The following INSYN2A variants were observed in gnomAD, a reference collection of about 807,000 sequenced individuals.
The protein encoded by INSYN2A is inhibitory synaptic factor 2A, also known as family with sequence similarity 196 member A.
Under a neutral mutation model 39.4 loss-of-function variants are expected in INSYN2A, and 17 were observed. That is an observed-to-expected ratio of 0.43 (90% CI 0.30 to 0.65). INSYN2A has a LOEUF of 0.65. Among genes scored for constraint, INSYN2A ranks in the 30% least tolerant of loss-of-function variants. The pLI is 0.14. For missense variants in INSYN2A, 595 were observed against 631.2 expected (o/e 0.94, Z 0.61); for synonymous variants, 255 against 265.7 (o/e 0.96, Z 0.39).
Position 127,175,452 on chromosome 10 carries a change from G to T in INSYN2A, c.944C>A (p.Ser315Tyr). 6.2e-7 allele frequency: 1 copy of T among 1,611,488 alleles called. No homozygotes were observed. ...CGACGGCTGCTCACTACATTCGGGGGACAGGCACTGCATCGGGGGTGAGCA... is the reference window on the plus strand; with the variant it reads ...CGACGGCTGCTCACTACATTCGGGGTACAGGCACTGCATCGGGGGTGAGCA... ...LACSPPMQCL[S>Y]PECSEQPSQT... Residue 315 changes from serine (S) to tyrosine (Y), a missense_variant, in exon 4 of 6, where the codon TCC (serine) becomes TAC (tyrosine). Ser to Tyr is a moderately radical substitution (Grantham distance 144). Around this residue, in one of 2 missense-constraint regions of INSYN2A, gnomAD observed 478 missense variants for 467.4 expected, o/e 1.02. Coordinates refer to ENST00000522781, the MANE Select transcript of INSYN2A (RefSeq NM_001039762.3). This position sits in a 1 kb window ranked among gnomAD's most constrained non-coding sequence, Gnocchi z 6.3.
chr10:127,170,436 C>A (rs562190454), intron 4 of INSYN2A, among the ~76,000 whole-genome samples: 1 of 152,204 alleles, frequency 6.6e-6, no homozygotes, highest in Non-Finnish European at 1.5e-5. Flanking sequence ...AGATTCTGAT[C>A]ATGTGCTTGA....
intron 5 of INSYN2A, among the ~76,000 whole-genome samples, chr10:127,138,858 A>T (rs1373401208): frequency 6.6e-6 from 1 of 152,190 alleles, no homozygotes; most frequent in East Asian, 1.9e-4. Context: ...ACTTGTCTAG[A>T]GCCCTCTCGT....
chr10:127,160,194 G>A (rs962992056), intron 4 of INSYN2A, among the ~76,000 whole-genome samples: 1 of 151,970 alleles, frequency 6.6e-6, no homozygotes, highest in African/African-American at 2.4e-5. Flanking sequence ...CCGAGAAAGT[G>A]ACAAGCATCT....
chr10:127,178,843 G>A (rs1370337819), intron 2 of INSYN2A, among the ~76,000 whole-genome samples: 1 of 152,190 alleles, frequency 6.6e-6, no homozygotes, highest in Non-Finnish European at 1.5e-5. Context: ...ATGGCTTTTA[G>A]AGATTCTTAT....
At chr10:127,168,600 T>G (rs1395733950) in intron 4 of INSYN2A, among the ~76,000 whole-genome samples, 3 of 152,202 alleles carry the variant, frequency 2.0e-5, no homozygotes. Flanking sequence ...AATTGGGCCA[T>G]TCTCAGCTAA....
chr10:127,147,947 C>T (rs960018893), intron 5 of INSYN2A, among the ~76,000 whole-genome samples: 3 of 144,604 alleles, frequency 2.1e-5, no homozygotes, highest in African/African-American at 7.6e-5. Flanking sequence ...AGAAGAATTG[C>T]TTCAACCCAG....
rs2054989690 is a variant in INSYN2A at position 127,175,359 on chromosome 10, C to T, written c.1037G>A (p.Cys346Tyr). Residue 346 changes from cysteine (C) to tyrosine (Y), a missense_variant, in exon 4 of 6, where the codon TGC becomes TAC. Transcript: ENST00000522781. This position sits in a 1 kb window ranked among gnomAD's most constrained non-coding sequence, Gnocchi z 6.3. ...TTCCGTATGAGGCACGATTCGTTGGCATTCTTCACCTGCAGCAACCGCTGT... is the reference window on the plus strand; with the variant it reads ...TTCCGTATGAGGCACGATTCGTTGGTATTCTTCACCTGCAGCAACCGCTGT... ...SPTAVAAGEE[C>Y]QRIVPHTEVV... 1 of 1,613,990 alleles carries T rather than the reference C, an allele frequency of 6.2e-7. No homozygotes were observed. The highest frequency in any genetic ancestry group is 1.1e-5 in the South Asian group (1 of 91,088).
chr10:127,137,837 TTAAAGGAACCAG>T lies in INSYN2A; in HGVS notation c.1428_1439del (p.Trp477_Ter480delextTer8). ...CTCGAGACTCCAGACACCGTGAGTG[TTAAAGGAACCAG>T]AGTTTCCATCTTCCGTGCTTTTTAG... is the stretch of plus-strand genomic sequence containing the variant. On this transcript the variant is annotated stop_lost and inframe_deletion, in exon 6 of 6. Coordinates refer to ENST00000522781, the MANE Select transcript of INSYN2A (RefSeq NM_001039762.3). The T allele has an allele frequency of 6.2e-7, 1 of 1,612,884 alleles. No homozygotes were observed. The highest frequency in any genetic ancestry group is 8.5e-7 in the Non-Finnish European group (1 of 1,179,690).
At position 127,179,040 on chromosome 10, in the gene INSYN2A, T is replaced by C. The variant is rs147758522; in HGVS notation, c.-268-1901A>G. 4.1e-4 allele frequency among the ~76,000 whole-genome samples: 63 copies of C among 152,338 alleles called. No homozygotes were observed. In the East Asian group the frequency reaches 6.9e-3, roughly 17 times the overall value. On this transcript the variant is annotated intron_variant, in intron 2 of 5. Transcript: ENST00000522781. ...ATCATTCTGCAGAAGACCTTCATACTAGGGAAAATTTGAAAGAGAGAGCAT... is the reference window on the plus strand; with the variant it reads ...ATCATTCTGCAGAAGACCTTCATACCAGGGAAAATTTGAAAGAGAGAGCAT...
intron 5 of INSYN2A, among the ~76,000 whole-genome samples, chr10:127,139,632 G>A (rs1162440956): frequency 6.6e-6 from 1 of 152,138 alleles, no homozygotes; most frequent in Non-Finnish European, 1.5e-5. Context: ...AATGAAATCC[G>A]GGCCTCAGTT....
intron 5 of INSYN2A, among the ~76,000 whole-genome samples, chr10:127,147,355 G>A (rs1220976125): frequency 2.0e-5 from 3 of 152,100 alleles, no homozygotes; most frequent in African/African-American, 7.2e-5. Flanking sequence ...GAGGGCTCTA[G>A]AGAGGCCATC....
intron 5 of INSYN2A, among the ~76,000 whole-genome samples, chr10:127,142,274 A>C (rs2051337180): frequency 6.6e-6 from 1 of 152,138 alleles, no homozygotes; most frequent in Non-Finnish European, 1.5e-5. Flanking sequence ...CGGGGCTCCA[A>C]ACCTTGTTGT....
In INSYN2A at chr10:127,136,126, T is replaced by G. The variant is rs1444455903; in HGVS notation, c.*1711A>C. ...TGTGTGTGCACATGTGTGTTTTAAA[T>G]TAAAGCATACAACTGCAGTGTTGTT... On this transcript the variant is annotated 3_prime_UTR_variant, in exon 6 of 6. Coordinates refer to ENST00000522781, the MANE Select transcript of INSYN2A (RefSeq NM_001039762.3). 2.0e-5 allele frequency: 3 copies of G among 152,328 alleles called. No homozygotes were observed. Among genetic ancestry groups the G allele is most frequent in the Non-Finnish European group, 4.4e-5 (3 of 68,038 alleles). The allele number at this position is 152,328 out of a possible 1,614,324, so 9.4% of individuals were successfully genotyped here.
chr10:127,154,083 G>A (rs914391327), intron 4 of INSYN2A, among the ~76,000 whole-genome samples, 160 bp from the exon 5 acceptor site: 6 of 152,236 alleles, frequency 3.9e-5, no homozygotes, highest in Middle Eastern at 3.4e-3. Context: ...CTCTGCTTTC[G>A]TTGTACAAAA....
rs370615648 is a variant in INSYN2A at position 127,159,098 on chromosome 10, C to T, written c.1185-5175G>A. On this transcript the variant is annotated intron_variant, in intron 4 of 5. Coordinates refer to ENST00000522781, the MANE Select transcript of INSYN2A (RefSeq NM_001039762.3). Reference sequence around the variant, plus strand: ...GGAAGCTATAAGAACATAGACTCTGCGACAGTGCATGAAAGAGAAGGTGAT... The same window carrying T: ...GGAAGCTATAAGAACATAGACTCTGTGACAGTGCATGAAAGAGAAGGTGAT... Among the ~76,000 whole-genome samples the T allele has an allele frequency of 4.0e-3, 616 of 152,174 alleles. 1 individual carries two copies. Among genetic ancestry groups the T allele is most frequent in the Admixed American group, 7.2e-3 (110 of 15,296 alleles).
chr10:127,194,086 T>C (rs1387126869), intron 1 of INSYN2A, among the ~76,000 whole-genome samples: 1 of 152,252 alleles, frequency 6.6e-6, no homozygotes, highest in Non-Finnish European at 1.5e-5. Flanking sequence ...ACATCTTGTC[T>C]TTAAGGAAAA....
intron 5 of INSYN2A, among the ~76,000 whole-genome samples, chr10:127,153,206 T>C (rs1327508259): frequency 6.6e-6 from 1 of 152,254 alleles, no homozygotes; most frequent in Non-Finnish European, 1.5e-5. Flanking sequence ...GAAAAAAGGA[T>C]AGCCATCCTT....
In INSYN2A at chr10:127,137,794, G is replaced by T; in HGVS notation, c.*43C>A. On this transcript the variant is annotated 3_prime_UTR_variant, in exon 6 of 6. Transcript: ENST00000522781. Reference sequence around the variant, plus strand: ...TGGAAAAGTATTGACTTAAACTCCAGTGGGTTCTAAAGACGGCCTCGAGAC... The same window carrying T: ...TGGAAAAGTATTGACTTAAACTCCATTGGGTTCTAAAGACGGCCTCGAGAC... 6.4e-7 allele frequency: 1 copy of T among 1,554,896 alleles called. No homozygotes were observed.
At chr10:127,154,072 T>C (rs2052783083) in intron 4 of INSYN2A, 149 bp from the exon 5 acceptor site, 1 of 626,002 alleles carries the variant, frequency 1.6e-6, no homozygotes, top group African/African-American at 1.8e-5. Context: ...TTTGCTCCTG[T>C]CTCTGCTTTC....
Sources: allele counts gnomAD v4.1 joint callset (sites outside exome capture counted in the v4.1 genomes callset), GRCh38; gene constraint gnomAD v4.1.1; regional missense constraint gnomAD v4.1.1; non-coding constraint Gnocchi (gnomAD v3.1); transcripts MANE v1.5; gene names NCBI Gene and HGNC (gene_info 2026-07-23, HGNC 2026-07-21).